The following CNRIP1 variants were observed in gnomAD, a reference collection of about 807,000 sequenced individuals.
CNRIP1 encodes the protein CB1 cannabinoid receptor-interacting protein 1.
In CNRIP1, 10 loss-of-function variants were observed where a neutral mutation model predicts 15.2. That is an observed-to-expected ratio of 0.66 (90% CI 0.41 to 1.12). CNRIP1 has a LOEUF of 1.12. CNRIP1 is among the 50% of genes most tolerant of loss of function. The pLI is 0.00. For missense variants in CNRIP1, 211 were observed against 214.7 expected (o/e 0.98, Z 0.11); for synonymous variants, 91 against 83.2 (o/e 1.09, Z -0.51).
chr2:68,305,274 A>ATGTGTGTGTGTG (rs10601379), intron 2 of CNRIP1, among the ~76,000 whole-genome samples: 2,223 of 120,594 alleles, frequency 0.018, 32 homozygotes, highest in South Asian at 0.028. Flanking sequence ...ATATATATAT[A>ATGTGTGTGTGTG]TGTGTGTGTG....
At chr2:68,308,377 G>C (rs1037068153) in intron 2 of CNRIP1, among the ~76,000 whole-genome samples, 4 of 151,950 alleles carry the variant, frequency 2.6e-5, no homozygotes, top group African/African-American at 9.7e-5. Flanking sequence ...TTGAAGATTG[G>C]TATTTTTAAA....
chr2:68,318,101 A>T (rs2103698003), intron 1 of CNRIP1, among the ~76,000 whole-genome samples: 1 of 152,130 alleles, frequency 6.6e-6, no homozygotes, highest in Non-Finnish European at 1.5e-5. Context: ...GATTATATCC[A>T]GGTGCACAGA....
chr2:68,307,976 T>C (rs1475878502), intron 2 of CNRIP1, among the ~76,000 whole-genome samples: 1 of 152,100 alleles, frequency 6.6e-6, no homozygotes, highest in Non-Finnish European at 1.5e-5. Context: ...GAGGATTGCT[T>C]GAGCGCAGGA....
chr2:68,307,977 G>A (rs1671920622), intron 2 of CNRIP1, among the ~76,000 whole-genome samples: 1 of 152,102 alleles, frequency 6.6e-6, no homozygotes, highest in Non-Finnish European at 1.5e-5. Context: ...AGGATTGCTT[G>A]AGCGCAGGAG....
intron 2 of CNRIP1, among the ~76,000 whole-genome samples, chr2:68,311,640 T>C (rs1466061623): frequency 6.6e-6 from 1 of 151,400 alleles, no homozygotes; most frequent in Non-Finnish European, 1.5e-5. Flanking sequence ...CTGGGTATGG[T>C]GGTGCGCACC....
At chr2:68,306,339 G>GA (rs945774251) in intron 2 of CNRIP1, among the ~76,000 whole-genome samples, 10 of 146,894 alleles carry the variant, frequency 6.8e-5, no homozygotes, top group Admixed American at 2.7e-4. Context: ...AAAAAAAAAG[G>GA]AAAAAAAAGA....
intron 2 of CNRIP1, among the ~76,000 whole-genome samples, chr2:68,304,346 G>A (rs1372480507): frequency 6.6e-6 from 1 of 151,462 alleles, no homozygotes; most frequent in African/African-American, 2.4e-5. Flanking sequence ...AGTTTGCAGT[G>A]AGCCAAGATC....
At chr2:68,300,447 T>C (rs1340037680) in intron 2 of CNRIP1, among the ~76,000 whole-genome samples, 1 of 152,152 alleles carries the variant, frequency 6.6e-6, no homozygotes, top group East Asian at 1.9e-4. Context: ...TGAAACCCCA[T>C]CTCTAGTAAA....
At chr2:68,309,143 A>G (rs1165807986) in intron 2 of CNRIP1, among the ~76,000 whole-genome samples, 2 of 152,202 alleles carry the variant, frequency 1.3e-5, no homozygotes, top group Non-Finnish European at 2.9e-5. Context: ...TTGAAAGCCC[A>G]GTGTCAATGT....
chr2:68,305,270 A>ATGTGTGTGTG lies in CNRIP1; in HGVS notation c.331-11245_331-11244insCACACACACA, dbSNP rs1367890101. Among the ~76,000 whole-genome samples, 101 of 98,606 alleles carry ATGTGTGTGTG rather than the reference A, an allele frequency of 1.0e-3. 1 individual carries two copies. Among genetic ancestry groups the ATGTGTGTGTG allele is most frequent in the African/African-American group, 3.2e-3 (87 of 27,384 alleles). 64.7% of individuals were successfully genotyped at this position (98,606 alleles called of 152,430 possible). ...AAAAAAAAAAAAAAAATATATATAT[A>ATGTGTGTGTG]TATATGTGTGTGTGTGTGTGTGTGT... On this transcript the variant is annotated intron_variant, in intron 2 of 2. Transcript: ENST00000263655.
At chr2:68,313,306 T>C (rs1281800352) in intron 2 of CNRIP1, among the ~76,000 whole-genome samples, 1 of 152,158 alleles carries the variant, frequency 6.6e-6, no homozygotes, top group Non-Finnish European at 1.5e-5. Context: ...ACTTACCATG[T>C]GATTTAGCAA....
At position 68,293,305 on chromosome 2, in the gene CNRIP1, T is replaced by A. The variant is rs1183889532; in HGVS notation, c.*557A>T. 2 of 985,898 alleles carry A rather than the reference T, an allele frequency of 2.0e-6. No homozygotes were observed. The highest frequency in any genetic ancestry group is 3.5e-5 in the African/African-American group (2 of 57,254). The allele number at this position is 985,898 out of a possible 1,614,324, so 61.1% of individuals were successfully genotyped here. A position where few individuals can be genotyped will look rare whatever the true frequency, so the allele number is the denominator to read the frequency against. On this transcript the variant is annotated 3_prime_UTR_variant, in exon 3 of 3. Coordinates refer to ENST00000263655, the MANE Select transcript of CNRIP1 (RefSeq NM_015463.3). ...TTGTCCTTCTAGTTTGTTACCATCC[T>A]TCCCTGAAAGAGCGGAGCTGTTTAT...
intron 2 of CNRIP1, among the ~76,000 whole-genome samples, chr2:68,286,830 C>G (rs928772786): frequency 6.6e-6 from 1 of 152,152 alleles, no homozygotes; most frequent in Non-Finnish European, 1.5e-5. Context: ...AGCTATATGA[C>G]CTTGGGCAGG....
At position 68,293,918 on chromosome 2, in the gene CNRIP1, AT is replaced by A; in HGVS notation, c.438del (p.Glu146AspfsTer10). The A allele has an allele frequency of 6.2e-7, 1 of 1,614,112 alleles. No homozygotes were observed. Among genetic ancestry groups the A allele is most frequent in the Middle Eastern group, 1.6e-4 (1 of 6,062 alleles). ...WGSPFSVIEY[E>X]CKPNETRSLM... ...AGACTGCGTGTCTCGTTGGGCTTGC[AT>A]TCATACTCAATGACAGAGAAGGGGC... is the stretch of plus-strand genomic sequence containing the variant. On this transcript the variant is annotated frameshift_variant, in exon 3 of 3. Coordinates refer to ENST00000263655, the MANE Select transcript of CNRIP1 (RefSeq NM_015463.3). LOFTEE classifies it high-confidence loss of function.
In CNRIP1 at chr2:68,319,425, G is replaced by C; in HGVS notation, c.-25C>G. On this transcript the variant is annotated 5_prime_UTR_variant, in exon 1 of 3. Transcript: ENST00000263655. ...TGTCTGGGCGAGGGTCTGGCGCGGC[G>C]GCTCCGGGGGGCGGAGGACAGCGCC... is the stretch of plus-strand genomic sequence containing the variant. The C allele has an allele frequency of 6.6e-7, 1 of 1,506,556 alleles. No individual in the cohort carries two copies. The highest frequency in any genetic ancestry group is 8.9e-7 in the Non-Finnish European group (1 of 1,128,860). 93.3% of individuals were successfully genotyped at this position (1,506,556 alleles called of 1,614,324 possible).
At chr2:68,312,640 C>A (rs994725179) in intron 2 of CNRIP1, among the ~76,000 whole-genome samples, 1 of 151,944 alleles carries the variant, frequency 6.6e-6, no homozygotes, top group African/African-American at 2.4e-5. Context: ...AAAATGAATA[C>A]AGATTGGAAA....
At chr2:68,290,119 C>T (rs1438584090), downstream of CNRIP1, among the ~76,000 whole-genome samples, 1 of 149,848 alleles carries the variant, frequency 6.7e-6, no homozygotes, top group Non-Finnish European at 1.5e-5. Flanking sequence ...ACCTCCTCCT[C>T]CTGGGTTCAA....
At chr2:68,290,324 G>A (rs1199249286), downstream of CNRIP1, among the ~76,000 whole-genome samples, 2 of 152,126 alleles carry the variant, frequency 1.3e-5, no homozygotes, top group Non-Finnish European at 2.9e-5. Flanking sequence ...CACTGCGCTT[G>A]GTGGAGAATC....
At chr2:68,305,877 C>T (rs900487899) in intron 2 of CNRIP1, among the ~76,000 whole-genome samples, 1 of 151,082 alleles carries the variant, frequency 6.6e-6, no homozygotes, top group African/African-American at 2.4e-5. Context: ...GCCTGTCATC[C>T]CAGCACTTTG....
Sources: allele counts gnomAD v4.1 joint callset (sites outside exome capture counted in the v4.1 genomes callset), GRCh38; gene constraint gnomAD v4.1.1; transcripts MANE v1.5; gene names NCBI Gene and HGNC (gene_info 2026-07-23, HGNC 2026-07-21).